ITGAV: variants seen among roughly 807,000 people sequenced by gnomAD.
ITGAV encodes integrin alpha-V.
In ITGAV, 76 loss-of-function variants were observed where a neutral mutation model predicts 143.8. The ratio of observed to expected loss-of-function variants is 0.53; its 90% CI spans 0.44 to 0.64. The LOEUF (loss-of-function observed/expected upper bound fraction) is 0.64, where lower values mean the gene tolerates loss of function less well. Among genes scored for constraint, ITGAV ranks in the 30% least tolerant of loss-of-function variants. The probability of loss-of-function intolerance (pLI) is 0.00; values close to 1 mark genes in which losing one functional copy is unlikely to be tolerated. For synonymous variants in ITGAV, 453 were observed against 446.7 expected (o/e 1.01, Z -0.18); for missense variants, 1,193 against 1,274.7 (o/e 0.94, Z 0.98).
rs751446512 is a variant in ITGAV at position 186,664,591 on chromosome 2, G to C, written c.2023G>C (p.Val675Leu). 6.2e-7 allele frequency: 1 copy of C among 1,613,942 alleles called. No individual in the cohort carries two copies. The highest frequency in any genetic ancestry group is 1.3e-5 in the African/African-American group (1 of 74,912). Residue 675 changes from valine to leucine, a missense_variant, in exon 20 of 30, where the codon GTT becomes CTT. Val to Leu is a conservative substitution (Grantham distance 32). Coordinates refer to ENST00000261023, the MANE Select transcript of ITGAV (RefSeq NM_002210.5). ...GEGAYEAELI[V>L]SIPLQADFIG... ...AGGTGCCTACGAAGCTGAGCTCATC[G>C]TTTCCATTCCACTGCAGGCTGATTT...
intron 29 of ITGAV, 125 bp from the exon 30 acceptor site, chr2:186,677,072 A>G (rs1332659734): frequency 6.6e-6 from 8 of 1,206,360 alleles, no homozygotes; most frequent in Non-Finnish European, 9.5e-6. Flanking sequence ...TACTTATTAT[A>G]TGAGGGAAGA....
intron 1 of ITGAV, chr2:186,600,474 C>T: frequency 6.7e-7 from 1 of 1,491,326 alleles, no homozygotes; most frequent in Non-Finnish European, 9.1e-7. Context: ...GAGAGACTTT[C>T]CTTTACCTAG....
chr2:186,677,540 T>G lies in ITGAV; in HGVS notation c.*248T>G. The stretch of plus-strand genomic sequence containing the variant: ...ATAATAAAATTTCAAGGGATAGTTT[T>G]TATTCAATGTATATAAGACAGGTAG... On this transcript the variant is annotated 3_prime_UTR_variant, in exon 30 of 30. Transcript: ENST00000261023. The G allele has an allele frequency of 2.6e-6, 1 of 385,154 alleles. No individual in the cohort carries two copies. Among genetic ancestry groups the G allele is most frequent in the South Asian group, 3.1e-5 (1 of 32,220 alleles). The allele number at this position is 385,154 out of a possible 1,614,324, so 23.9% of individuals were successfully genotyped here.
chr2:186,632,662 T>C (rs896496691), intron 5 of ITGAV, among the ~76,000 whole-genome samples: 1 of 152,104 alleles, frequency 6.6e-6, no homozygotes, highest in Non-Finnish European at 1.5e-5. Context: ...TCACTTCTGT[T>C]TAGATCTGAG....
chr2:186,666,961 A>G lies in ITGAV; in HGVS notation c.2246+178A>G, dbSNP rs1046634201. On this transcript the variant is annotated intron_variant, in intron 22 of 29. Transcript: ENST00000261023. ...TTTTATTGTCAGATTTGAGTTTGTA[A>G]AACAAAATTTAAAATCCAGAAAGAA... is the stretch of plus-strand genomic sequence containing the variant. Among the ~76,000 whole-genome samples the G allele has an allele frequency of 2.6e-4, 39 of 152,180 alleles. 1 individual carries two copies. Among genetic ancestry groups the G allele is most frequent in the Non-Finnish European group, 4.9e-4 (33 of 68,026 alleles).
intron 3 of ITGAV, among the ~76,000 whole-genome samples, chr2:186,624,847 G>A (rs1287004158): frequency 6.6e-6 from 1 of 151,964 alleles, no homozygotes; most frequent in Non-Finnish European, 1.5e-5. Flanking sequence ...TATTCCATAT[G>A]CATGAGTGTT....
At chr2:186,672,374 A>G (rs887051320) in intron 26 of ITGAV, among the ~76,000 whole-genome samples, 3 of 152,182 alleles carry the variant, frequency 2.0e-5, no homozygotes, top group Non-Finnish European at 4.4e-5. Context: ...ATGTGTTGCT[A>G]TGAACATTGA....
chr2:186,592,509 T>G (rs2105642050), intron 1 of ITGAV, among the ~76,000 whole-genome samples: 1 of 151,260 alleles, frequency 6.6e-6, no homozygotes, highest in South Asian at 2.1e-4. Flanking sequence ...ACAATGTTAC[T>G]GTTAATTCTT....
At chr2:186,598,292 TATACACAC>T (rs1266289707) in intron 1 of ITGAV, among the ~76,000 whole-genome samples, 257 of 43,804 alleles carry the variant, frequency 5.9e-3, no homozygotes, top group African/African-American at 0.016. Flanking sequence ...TATTATAATT[TATACACAC>T]ACACACACAC....
At chr2:186,613,505 T>C (rs1201839277) in intron 2 of ITGAV, among the ~76,000 whole-genome samples, 3 of 152,194 alleles carry the variant, frequency 2.0e-5, no homozygotes, top group Admixed American at 2.0e-4. Context: ...AAAAGATGTT[T>C]CTGGATAGTT....
intron 21 of ITGAV, among the ~76,000 whole-genome samples, chr2:186,666,043 TTA>T (rs1333345866): frequency 5.9e-5 from 9 of 152,344 alleles, no homozygotes; most frequent in Non-Finnish European, 1.5e-5. Context: ...TTTCTGGTTA[TTA>T]TATAGTTTCT....
chr2:186,623,143 C>G (rs1169600815), intron 3 of ITGAV, among the ~76,000 whole-genome samples: 1 of 152,188 alleles, frequency 6.6e-6, no homozygotes, highest in African/African-American at 2.4e-5. Context: ...CTCCTCTTCT[C>G]AGTTTCTGAA....
intron 3 of ITGAV, 50 bp downstream of exon 3, chr2:186,622,480 G>A (rs1192864143): frequency 8.4e-7 from 1 of 1,192,186 alleles, no homozygotes; most frequent in Non-Finnish European, 1.3e-6. Flanking sequence ...AGTTTATGTG[G>A]AGACACAGAA....
chr2:186,614,959 T>G (rs1687312452), intron 2 of ITGAV, among the ~76,000 whole-genome samples: 1 of 152,090 alleles, frequency 6.6e-6, no homozygotes, highest in Admixed American at 6.5e-5. Flanking sequence ...ACAGTCTAAT[T>G]CCAGAGCATC....
rs2105735740 is a variant in ITGAV at position 186,659,187 on chromosome 2, A to G, written c.1857+12A>G. ...ACATTAGTCGACAGGTACTGTACTCAGTTTACCACTAATGTGATATTTTGT... is the reference window on the plus strand; with the variant it reads ...ACATTAGTCGACAGGTACTGTACTCGGTTTACCACTAATGTGATATTTTGT... On this transcript the variant is annotated intron_variant, in intron 18 of 29. Transcript: ENST00000261023. 1.3e-6 allele frequency: 2 copies of G among 1,511,606 alleles called. No homozygotes were observed. The highest frequency in any genetic ancestry group is 2.4e-5 in the East Asian group (1 of 41,566). The allele number at this position is 1,511,606 out of a possible 1,614,324, so 93.6% of individuals were successfully genotyped here.
At chr2:186,619,772 C>T (rs1687471515) in intron 2 of ITGAV, among the ~76,000 whole-genome samples, 1 of 152,138 alleles carries the variant, frequency 6.6e-6, no homozygotes, top group Non-Finnish European at 1.5e-5. Context: ...GGGCAGATCA[C>T]CTGAGGTCAC....
chr2:186,656,627 AT>A (rs1688595043), intron 17 of ITGAV, among the ~76,000 whole-genome samples: 1 of 152,192 alleles, frequency 6.6e-6, no homozygotes, highest in African/African-American at 2.4e-5. Flanking sequence ...TGAACAAATT[AT>A]GATAAACATA....
chr2:186,663,165 T>G (rs1688794558), intron 18 of ITGAV, among the ~76,000 whole-genome samples: 1 of 152,144 alleles, frequency 6.6e-6, no homozygotes, highest in South Asian at 2.1e-4. Context: ...CTACCCTGAT[T>G]GGTTAACTAT....
chr2:186,640,850 C>A, intron 10 of ITGAV, 65 bp from the exon 11 acceptor site: 1 of 1,289,846 alleles, frequency 7.8e-7, no homozygotes, highest in Non-Finnish European at 1.1e-6. Context: ...ACATATATTA[C>A]AAATGTTAAT....
Sources: allele counts gnomAD v4.1 joint callset (sites outside exome capture counted in the v4.1 genomes callset), GRCh38; gene constraint gnomAD v4.1.1; transcripts MANE v1.5; gene names NCBI Gene and HGNC (gene_info 2026-07-23, HGNC 2026-07-21).